The following NFAT5 variants were observed in gnomAD, a reference collection of about 807,000 sequenced individuals.
NFAT5 encodes nuclear factor of activated T-cells 5.
In NFAT5, 31 loss-of-function variants were observed where a neutral mutation model predicts 166.5. That is an observed-to-expected ratio of 0.19 (90% CI 0.14 to 0.25). The LOEUF (loss-of-function observed/expected upper bound fraction) is 0.25. NFAT5 is among the 10% of genes least tolerant of loss of function. NFAT5 has a pLI of 1.00. For missense variants in NFAT5, 1,449 were observed against 1,821.8 expected (o/e 0.80, Z 3.72); for synonymous variants, 612 against 639.7 (o/e 0.96, Z 0.65).
At chr16:69,583,265 G>A (rs778053514) in intron 2 of NFAT5, among the ~76,000 whole-genome samples, 14 of 151,844 alleles carry the variant, frequency 9.2e-5, no homozygotes, top group Non-Finnish European at 1.8e-4. Context: ...AGTGGCATGA[G>A]CATGAATCAC....
chr16:69,586,108 A>G (rs750725960), intron 2 of NFAT5, among the ~76,000 whole-genome samples: 1 of 152,192 alleles, frequency 6.6e-6, no homozygotes, highest in Non-Finnish European at 1.5e-5. Flanking sequence ...GTGAGACATA[A>G]TTGTGTGGTA....
At chr16:69,682,435 C>A (rs12595927) in intron 10 of NFAT5, among the ~76,000 whole-genome samples, 7 of 148,308 alleles carry the variant, frequency 4.7e-5, no homozygotes, top group South Asian at 2.1e-4. Context: ...TAGTGAGACC[C>A]CCCCCCCCGC....
At position 69,702,139 on chromosome 16, in the gene NFAT5, A is replaced by G. The variant is rs1297150145; in HGVS notation, c.*5788A>G. ...TGAGGACTGCAAACTTTTATGCAAT[A>G]TTCTTAATACCCTATTGATATTATG... On this transcript the variant is annotated 3_prime_UTR_variant, in exon 15 of 15. Transcript: ENST00000349945. 1 of 152,674 alleles carries G rather than the reference A, an allele frequency of 6.5e-6. No individual in the cohort carries two copies. Among genetic ancestry groups the G allele is most frequent in the Non-Finnish European group, 1.5e-5 (1 of 68,048 alleles). The allele number at this position is 152,674 out of a possible 1,614,324, so 9.5% of individuals were successfully genotyped here.
intron 2 of NFAT5, among the ~76,000 whole-genome samples, chr16:69,597,858 G>A (rs907405166): frequency 6.6e-6 from 1 of 152,100 alleles, no homozygotes; most frequent in African/African-American, 2.4e-5. Context: ...CTCCCAAAGT[G>A]CTGGGATTAC....
chr16:69,580,385 GC>G (rs1461282067), intron 2 of NFAT5, among the ~76,000 whole-genome samples: 1 of 151,858 alleles, frequency 6.6e-6, no homozygotes, highest in Non-Finnish European at 1.5e-5. Flanking sequence ...AAAAAAATTA[GC>G]CAGGCTTGGT....
At chr16:69,652,061 T>G (rs1339841142) in intron 4 of NFAT5, among the ~76,000 whole-genome samples, 1 of 152,246 alleles carries the variant, frequency 6.6e-6, no homozygotes, top group Non-Finnish European at 1.5e-5. Context: ...TAAATGTGTT[T>G]GCCTGAAGTC....
chr16:69,693,677 G>A lies in NFAT5; in HGVS notation c.3852G>A (p.Gln1284=), dbSNP rs2037650840. 1 of 1,614,074 alleles carries A rather than the reference G, an allele frequency of 6.2e-7. No individual in the cohort carries two copies. ...AGCAACAGCAGCAGCAACAACAACA[G>A]AGCATTTTATTCAGTAATCAGAATA... is the stretch of plus-strand genomic sequence containing the variant. ...QQQQQQQQQQ[Q]SILFSNQNTM... Residue 1284 remains glutamine, a synonymous_variant, in exon 13 of 15, where the codon CAG becomes CAA. Transcript: ENST00000349945.
chr16:69,664,536 C>T (rs977370975), intron 7 of NFAT5, among the ~76,000 whole-genome samples: 2 of 152,198 alleles, frequency 1.3e-5, no homozygotes, highest in African/African-American at 2.4e-5. Flanking sequence ...CCGCCTGCCT[C>T]GGCCTCTCAG....
chr16:69,595,133 T>G (rs1044827627), intron 2 of NFAT5, among the ~76,000 whole-genome samples: 1 of 152,158 alleles, frequency 6.6e-6, no homozygotes, highest in African/African-American at 2.4e-5. Context: ...AACAATACTT[T>G]GCATCCTTCA....
In NFAT5 at chr16:69,692,599, C is replaced by T; in HGVS notation, c.2774C>T (p.Ala925Val). The T allele has an allele frequency of 6.2e-7, 1 of 1,614,210 alleles. No homozygotes were observed. The highest frequency in any genetic ancestry group is 1.1e-5 in the South Asian group (1 of 91,088). ...VMEMQQSICQ[A>V]AAQIQSELFP... ...GAGATGCAACAGAGTATCTGCCAGGCAGCTGCCCAGATTCAGTCAGAGTTA... is the reference window on the plus strand; with the variant it reads ...GAGATGCAACAGAGTATCTGCCAGGTAGCTGCCCAGATTCAGTCAGAGTTA... The change falls in exon 13 of 15, where the codon GCA (alanine) becomes GTA (valine). Residue 925 changes from alanine to valine, a missense_variant. Physicochemically the swap from Ala to Val is moderately conservative, Grantham distance 64. Transcript: ENST00000349945.
At chr16:69,626,670 C>T (rs1357922078) in intron 3 of NFAT5, 142 bp downstream of exon 3, 1 of 599,566 alleles carries the variant, frequency 1.7e-6, no homozygotes, top group Admixed American at 4.4e-5. Context: ...TACTTTTAAC[C>T]TTAAACTTTT....
chr16:69,656,493 C>T (rs2035885670), intron 6 of NFAT5, among the ~76,000 whole-genome samples: 1 of 151,388 alleles, frequency 6.6e-6, no homozygotes, highest in Non-Finnish European at 1.5e-5. Flanking sequence ...CGTCTGTCGC[C>T]CAGGCTGGAG....
chr16:69,672,152 A>G (rs1017984745), intron 9 of NFAT5, among the ~76,000 whole-genome samples: 3 of 152,226 alleles, frequency 2.0e-5, no homozygotes, highest in African/African-American at 7.2e-5. Context: ...AGATTCCTAT[A>G]TATCTAGACA....
At chr16:69,600,105 C>T (rs1423530296) in intron 2 of NFAT5, among the ~76,000 whole-genome samples, 1 of 147,856 alleles carries the variant, frequency 6.8e-6, no homozygotes, top group South Asian at 2.1e-4. Flanking sequence ...GTGGAATTCT[C>T]GATTAGAAAA....
chr16:69,627,193 AAGAT>A (rs964937619), intron 3 of NFAT5, among the ~76,000 whole-genome samples: 26 of 151,332 alleles, frequency 1.7e-4, no homozygotes, highest in African/African-American at 3.6e-4. Context: ...ATAAAAATAA[AAGAT>A]AGACAAGCTA....
chr16:69,694,391 A>T, intron 13 of NFAT5, 152 bp downstream of exon 13: 1 of 642,702 alleles, frequency 1.6e-6, no homozygotes, highest in South Asian at 2.0e-5. Context: ...AGCAGCTGGG[A>T]TTACAGGTGT....
intron 2 of NFAT5, among the ~76,000 whole-genome samples, chr16:69,582,435 G>A (rs1044391926): frequency 6.6e-6 from 1 of 151,718 alleles, no homozygotes; most frequent in African/African-American, 2.4e-5. Flanking sequence ...CTATTGCCTA[G>A]CCCAGGGTCA....
intron 2 of NFAT5, among the ~76,000 whole-genome samples, chr16:69,612,789 A>C (rs953647601): frequency 1.3e-5 from 2 of 151,248 alleles, no homozygotes; most frequent in African/African-American, 4.9e-5. Context: ...TAGGAGGATC[A>C]GTTTAGGCCC....
Position 69,693,425 on chromosome 16 carries a change from C to G in NFAT5, c.3600C>G (p.Phe1200Leu), listed in dbSNP as rs1465853159. Reference sequence around the variant, plus strand: ...CAAACAGTGAACAACAAGCTGCTTTCCAACAGCAAGCTCCAATATCACACA... The same window carrying G: ...CAAACAGTGAACAACAAGCTGCTTTGCAACAGCAAGCTCCAATATCACACA... ...STSNSEQQAA[F>L]QQQAPISHIQ... Residue 1200 changes from phenylalanine (F) to leucine (L), a missense_variant, in exon 13 of 15, where the codon TTC becomes TTG. By Grantham distance (22) the Phe-to-Leu change is conservative. Transcript: ENST00000349945. The G allele has an allele frequency of 6.2e-7, 1 of 1,614,192 alleles. No individual in the cohort carries two copies. The highest frequency in any genetic ancestry group is 8.5e-7 in the Non-Finnish European group (1 of 1,180,042).
Sources: allele counts gnomAD v4.1 joint callset (sites outside exome capture counted in the v4.1 genomes callset), GRCh38; gene constraint gnomAD v4.1.1; transcripts MANE v1.5; gene names NCBI Gene and HGNC (gene_info 2026-07-23, HGNC 2026-07-21).